The following RORA variants were observed in gnomAD, a reference collection of about 807,000 sequenced individuals.
RORA encodes nuclear receptor ROR-alpha.
RORA carries 7 observed loss-of-function variants against 69.5 expected under a neutral mutation model. The observed-to-expected ratio is 0.10, with a 90% confidence interval of 0.06 to 0.19. The LOEUF (loss-of-function observed/expected upper bound fraction) is 0.19, where lower values mean the gene tolerates loss of function less well. Ranked by LOEUF, RORA falls within the 10% of genes least tolerant of loss-of-function variation. The probability of loss-of-function intolerance (pLI) is 1.00; values close to 1 mark genes in which losing one functional copy is unlikely to be tolerated. For missense variants in RORA, 457 were observed against 663.0 expected (o/e 0.69, Z 3.41); for synonymous variants, 261 against 240.8 (o/e 1.08, Z -0.78).
At chr15:60,560,791 G>A (rs1280479427) in intron 2 of RORA, among the ~76,000 whole-genome samples, 2 of 152,160 alleles carry the variant, frequency 1.3e-5, no homozygotes, top group African/African-American at 2.4e-5. Flanking sequence ...AGCAGCAGCT[G>A]CTAATGTTTA....
At chr15:60,708,417 C>CA (rs568365743) in intron 1 of RORA, among the ~76,000 whole-genome samples, 2,068 of 65,970 alleles carry the variant, frequency 0.031, 37 homozygotes, top group African/African-American at 0.097. Context: ...GACTCCGTCT[C>CA]AAAAAAAAAA....
intron 1 of RORA, among the ~76,000 whole-genome samples, chr15:61,140,630 G>A (rs2079288936): frequency 6.6e-6 from 1 of 151,948 alleles, no homozygotes; most frequent in Non-Finnish European, 1.5e-5. Flanking sequence ...ATCTACAAGG[G>A]GACCCCAAAA....
intron 1 of RORA, among the ~76,000 whole-genome samples, chr15:60,843,854 T>C (rs548993685): frequency 2.4e-4 from 36 of 152,322 alleles, no homozygotes; most frequent in African/African-American, 8.7e-4. Context: ...TCTTAAAGCA[T>C]ACCCTGAATG....
chr15:61,119,962 G>A (rs1253550510), intron 1 of RORA, among the ~76,000 whole-genome samples: 1 of 152,148 alleles, frequency 6.6e-6, no homozygotes, highest in Non-Finnish European at 1.5e-5. Context: ...GTGAGGCGGG[G>A]AGGAGTTTTG....
intron 1 of RORA, among the ~76,000 whole-genome samples, chr15:61,014,011 C>T (rs955258639): frequency 1.3e-5 from 2 of 152,054 alleles, no homozygotes; most frequent in Non-Finnish European, 2.9e-5. Context: ...TCTCGATCTC[C>T]TGACATTGTG....
At chr15:60,498,498 T>A (rs1205637534) in intron 10 of RORA, among the ~76,000 whole-genome samples, 1 of 152,188 alleles carries the variant, frequency 6.6e-6, no homozygotes, top group Non-Finnish European at 1.5e-5. Context: ...TCAGAAGGCC[T>A]GGATGGAGGC....
intron 2 of RORA, among the ~76,000 whole-genome samples, chr15:60,533,469 C>T (rs920204): frequency 0.95 from 145,017 of 152,270 alleles, 69,488 homozygotes; most frequent in East Asian, 1. Context: ...CTTGGCTTGA[C>T]TTCTTCAAGA....
intron 1 of RORA, among the ~76,000 whole-genome samples, chr15:61,102,404 T>C (rs1229404233): frequency 2.0e-5 from 3 of 152,200 alleles, no homozygotes; most frequent in African/African-American, 4.8e-5. Context: ...CTGCTTCCCA[T>C]TGTGAGTTCT....
At chr15:60,540,567 C>A (rs1026035325) in intron 2 of RORA, among the ~76,000 whole-genome samples, 1 of 48,046 alleles carries the variant, frequency 2.1e-5, no homozygotes, top group Non-Finnish European at 4.6e-5. Flanking sequence ...TTCCATGACC[C>A]CCCCCCCCCA....
chr15:60,973,895 C>T (rs1384026327), intron 1 of RORA, among the ~76,000 whole-genome samples: 2 of 152,214 alleles, frequency 1.3e-5, no homozygotes, highest in African/African-American at 4.8e-5. Flanking sequence ...ACAAGGAAAC[C>T]CTATTAGCAA....
At chr15:60,837,333 TTTGA>T (rs1279582841) in intron 1 of RORA, among the ~76,000 whole-genome samples, 2 of 152,214 alleles carry the variant, frequency 1.3e-5, no homozygotes, top group East Asian at 1.9e-4. Context: ...ATGAAGCCTA[TTTGA>T]TTGAGGTGAT....
At chr15:60,813,060 G>A (rs930838832) in intron 1 of RORA, among the ~76,000 whole-genome samples, 4 of 152,156 alleles carry the variant, frequency 2.6e-5, no homozygotes, top group Admixed American at 6.5e-5. Context: ...GCAGATCGGT[G>A]GTCTTTCTCT....
At chr15:60,581,862 T>C (rs1345891159) in intron 2 of RORA, among the ~76,000 whole-genome samples, 1 of 152,234 alleles carries the variant, frequency 6.6e-6, no homozygotes, top group African/African-American at 2.4e-5. Flanking sequence ...TCTGTTTTTC[T>C]TTTTTATAAA....
chr15:61,122,277 G>A (rs1480188356), intron 1 of RORA, among the ~76,000 whole-genome samples: 1 of 152,168 alleles, frequency 6.6e-6, no homozygotes, highest in Non-Finnish European at 1.5e-5. Flanking sequence ...AACAGAGAGG[G>A]CTCTCTTCTA....
At chr15:60,958,884 C>T (rs1265057756) in intron 1 of RORA, among the ~76,000 whole-genome samples, 1 of 152,172 alleles carries the variant, frequency 6.6e-6, no homozygotes, top group South Asian at 2.1e-4. Context: ...GGCTCAGGCA[C>T]ATTCTTAGGT....
rs2065049269 is a variant in RORA, at chr15:60,492,010, T to C, written c.*5445A>G. On this transcript the variant is annotated 3_prime_UTR_variant, in exon 11 of 11. Transcript: ENST00000335670. ...CTTTATAAGAAGTGGCAATCACATG[T>C]TATGTAAAAATGTCAACGTGTGTGT... The C allele has an allele frequency of 7.1e-5, 2 of 28,282 alleles. No individual in the cohort carries two copies. Among genetic ancestry groups the C allele is most frequent in the African/African-American group, 9.1e-5 (1 of 10,952 alleles). The allele number at this position is 28,282 out of a possible 1,614,324, so 1.8% of individuals were successfully genotyped here.
At chr15:60,889,836 C>G (rs1483816353) in intron 1 of RORA, among the ~76,000 whole-genome samples, 2 of 152,174 alleles carry the variant, frequency 1.3e-5, no homozygotes, top group Non-Finnish European at 2.9e-5. Context: ...CACACAGAAA[C>G]CAATATACAC....
chr15:61,041,230 G>A (rs1896751671), intron 1 of RORA: 1 of 152,224 alleles, frequency 6.6e-6, no homozygotes, highest in Non-Finnish European at 1.5e-5. Context: ...AGATGACAGA[G>A]GTAACCCTTA....
At chr15:60,880,015 G>A (rs1265223015) in intron 1 of RORA, among the ~76,000 whole-genome samples, 1 of 152,150 alleles carries the variant, frequency 6.6e-6, no homozygotes, top group African/African-American at 2.4e-5. Flanking sequence ...CTTTGAAGAA[G>A]TAATCTACTC....
Sources: gnomAD v4.1 joint callset for allele counts (sites outside exome capture counted in the v4.1 genomes callset) on GRCh38, gnomAD v4.1.1 for gene constraint, MANE v1.5 for transcripts, NCBI Gene and HGNC (gene_info 2026-07-23, HGNC 2026-07-21) for gene names.